IL5: variants seen among roughly 807,000 people sequenced by gnomAD.
IL5 encodes interleukin 5.
IL5 carries 12 observed loss-of-function variants against 16.3 expected under a neutral mutation model. The observed-to-expected ratio is 0.74, with a 90% confidence interval of 0.47 to 1.20. IL5 has a LOEUF of 1.20. IL5 is among the 50% of genes most tolerant of loss of function. The pLI is 0.00. For synonymous variants in IL5, 54 were observed against 56.6 expected (o/e 0.95, Z 0.21); for missense variants, 159 against 153.9 (o/e 1.03, Z -0.17).
chr5:132,551,998 G>T (rs555173228), intron 1 of IL5, among the ~76,000 whole-genome samples: 1 of 152,176 alleles, frequency 6.6e-6, no homozygotes, highest in African/African-American at 2.4e-5. Flanking sequence ...GAGGTTCTCA[G>T]GCTGGGCGCA....
chr5:132,552,290 AC>A (rs1162196816), intron 1 of IL5, among the ~76,000 whole-genome samples: 1 of 152,124 alleles, frequency 6.6e-6, no homozygotes, highest in Non-Finnish European at 1.5e-5. Context: ...AACAACAACA[AC>A]AACAAAAAAC....
chr5:132,541,819 C>G lies in IL5; in HGVS notation c.397G>C (p.Glu133Gln), dbSNP rs943818144. The change falls in exon 4 of 4, where the codon GAA becomes CAA. Residue 133 changes from glutamate (E) to glutamine (Q), a missense_variant. Coordinates refer to ENST00000231454, the MANE Select transcript of IL5 (RefSeq NM_000879.3). ...AACAAACCAGTTTAGTCTCAACTTT[C>G]TATTATCCACTCGGTGTTCATTACA... ...LGVMNTEWIIES is the reference protein window; with the variant it reads ...LGVMNTEWIIQS 1.9e-5 allele frequency: 30 copies of G among 1,609,794 alleles called. No individual in the cohort carries two copies. The highest frequency in any genetic ancestry group is 2.5e-5 in the Non-Finnish European group (29 of 1,176,778).
At position 132,541,860 on chromosome 5, in the gene IL5, A is replaced by G; in HGVS notation, c.356T>C (p.Leu119Pro). The change falls in exon 4 of 4, where the codon CTG becomes CCG. Residue 119 changes from leucine to proline, a missense_variant. Coordinates refer to ENST00000231454, the MANE Select transcript of IL5 (RefSeq NM_000879.3). ...GTTCATTACACCAAGAAACTCTTGC[A>G]GGTAGTCTAGGAATTGGTTTACTCT... Reference protein sequence around the residue: ...RRRVNQFLDYLQEFLGVMNTE... With the variant: ...RRRVNQFLDYPQEFLGVMNTE... The G allele has an allele frequency of 6.2e-7, 1 of 1,613,944 alleles. No homozygotes were observed. The highest frequency in any genetic ancestry group is 1.1e-5 in the South Asian group (1 of 91,066).
chr5:132,544,091 T>A (rs2069814), upstream of IL5, among the ~76,000 whole-genome samples: 247 of 152,330 alleles, frequency 1.6e-3, no homozygotes, highest in African/African-American at 5.9e-3. Flanking sequence ...GGGAAGGTAT[T>A]GGCTCATAGA....
At chr5:132,552,895 C>T (rs1035845538) in intron 1 of IL5, among the ~76,000 whole-genome samples, 1 of 152,052 alleles carries the variant, frequency 6.6e-6, no homozygotes, top group East Asian at 1.9e-4. Flanking sequence ...CCACCAGGCC[C>T]GGCTAATTTT....
At chr5:132,550,410 G>A (rs1010699628) in intron 1 of IL5, among the ~76,000 whole-genome samples, 44 of 149,628 alleles carry the variant, frequency 2.9e-4, no homozygotes, top group Admixed American at 2.6e-3. Context: ...TGCAAGCTCC[G>A]CCTCCTGGGT....
rs375391566 is a variant in IL5, at chr5:132,541,864, A to G, written c.352T>C (p.Tyr118His). Residue 118 changes from tyrosine to histidine, a missense_variant, in exon 4 of 4, where the codon TAC (tyrosine) becomes CAC (histidine). Coordinates refer to ENST00000231454, the MANE Select transcript of IL5 (RefSeq NM_000879.3). ...ATTACACCAAGAAACTCTTGCAGGT[A>G]GTCTAGGAATTGGTTTACTCTCCGT... Reference protein sequence around the residue: ...ERRRVNQFLDYLQEFLGVMNT... With the variant: ...ERRRVNQFLDHLQEFLGVMNT... The G allele has an allele frequency of 6.8e-6, 11 of 1,613,870 alleles. No individual in the cohort carries two copies. Among genetic ancestry groups the G allele is most frequent in the Admixed American group, 1.7e-5 (1 of 59,998 alleles).
chr5:132,553,846 G>T (rs528885444), intron 1 of IL5, among the ~76,000 whole-genome samples: 66 of 150,738 alleles, frequency 4.4e-4, no homozygotes, highest in African/African-American at 1.6e-3. Context: ...GGCTGAGGCA[G>T]TAGAATGGCG....
At chr5:132,555,476 C>A (rs565009487) in intron 1 of IL5, among the ~76,000 whole-genome samples, 2 of 152,284 alleles carry the variant, frequency 1.3e-5, no homozygotes, top group South Asian at 4.1e-4. Flanking sequence ...GACGGTTGTA[C>A]GTGAGTATAC....
intron 1 of IL5, among the ~76,000 whole-genome samples, chr5:132,548,724 T>C (rs1336055671): frequency 1.3e-5 from 2 of 152,244 alleles, no homozygotes; most frequent in Non-Finnish European, 2.9e-5. Flanking sequence ...GGTGCTCACC[T>C]TGTACCTTGA....
chr5:132,552,891 G>T (rs1160804116), intron 1 of IL5, among the ~76,000 whole-genome samples: 3 of 152,056 alleles, frequency 2.0e-5, no homozygotes, highest in African/African-American at 4.8e-5. Context: ...CATGCCACCA[G>T]GCCCGGCTAA....
In IL5 at chr5:132,541,810, C is replaced by T. The variant is rs755320918; in HGVS notation, c.*1G>A. On this transcript the variant is annotated 3_prime_UTR_variant, in exon 4 of 4. Transcript: ENST00000231454. ...TTTGGCTGCAACAAACCAGTTTAGT[C>T]TCAACTTTCTATTATCCACTCGGTG... 4.4e-6 allele frequency: 7 copies of T among 1,604,966 alleles called. No individual in the cohort carries two copies. Among genetic ancestry groups the T allele is most frequent in the Non-Finnish European group, 6.0e-6 (7 of 1,172,740 alleles).
At chr5:132,554,119 G>C (rs1208868608) in intron 1 of IL5, among the ~76,000 whole-genome samples, 4 of 151,860 alleles carry the variant, frequency 2.6e-5, no homozygotes, top group Admixed American at 6.6e-5. Context: ...TGTAATCCCA[G>C]CACTTTGGGA....
upstream of IL5, among the ~76,000 whole-genome samples, chr5:132,547,102 C>T (rs979304523): frequency 6.6e-6 from 1 of 152,132 alleles, no homozygotes; most frequent in African/African-American, 2.4e-5. Flanking sequence ...CCCAAGAATT[C>T]AAAATAATGT....
At position 132,541,673 on chromosome 5, in the gene IL5, A is replaced by G. The variant is rs573209192; in HGVS notation, c.*138T>C. 23 of 545,230 alleles carry G rather than the reference A, an allele frequency of 4.2e-5. No individual in the cohort carries two copies. In the East Asian group the frequency reaches 5.8e-4, roughly 14 times the overall value. The allele number at this position is 545,230 out of a possible 1,614,324, so 33.8% of individuals were successfully genotyped here. The stretch of plus-strand genomic sequence containing the variant: ...TTATGCTTTCTGGCAAAGTGTCAGT[A>G]TGCCTGAAATATTTACTTTCCCTCT... On this transcript the variant is annotated 3_prime_UTR_variant, in exon 4 of 4. Transcript: ENST00000231454.
intron 3 of IL5, 42 bp downstream of exon 3, chr5:132,541,973 C>T (rs1478668370): frequency 6.2e-7 from 1 of 1,612,888 alleles, no homozygotes; most frequent in Admixed American, 1.7e-5. Context: ...GAAATAGGCA[C>T]AGCCAGACAA....
At position 132,542,155 on chromosome 5, in the gene IL5, A is replaced by C; in HGVS notation, c.178-12T>G. On this transcript the variant is annotated splice_polypyrimidine_tract_variant and intron_variant, in intron 2 of 3. Coordinates refer to ENST00000231454, the MANE Select transcript of IL5 (RefSeq NM_000879.3). Reference sequence around the variant, plus strand: ...GTGCACAGTTGGTGCTAAATGAGGAAAATTTTTAAAATGCAAATAATCAAG... The same window carrying C: ...GTGCACAGTTGGTGCTAAATGAGGACAATTTTTAAAATGCAAATAATCAAG... The C allele has an allele frequency of 2.5e-6, 4 of 1,598,436 alleles. No homozygotes were observed. Among genetic ancestry groups the C allele is most frequent in the Non-Finnish European group, 3.4e-6 (4 of 1,175,182 alleles).
upstream of IL5, among the ~76,000 whole-genome samples, chr5:132,548,293 T>A (rs1049286869): frequency 9.2e-5 from 14 of 152,104 alleles, no homozygotes; most frequent in Non-Finnish European, 1.9e-4. Context: ...CCTTTTTATT[T>A]CACCAGTAGA....
chr5:132,544,268 T>C (rs1327825229), upstream of IL5, among the ~76,000 whole-genome samples: 2 of 152,238 alleles, frequency 1.3e-5, no homozygotes, highest in African/African-American at 4.8e-5. Context: ...AAGCTGTGCT[T>C]TTCTGATTGT....
Sources: gnomAD v4.1 joint callset for allele counts (sites outside exome capture counted in the v4.1 genomes callset) on GRCh38, gnomAD v4.1.1 for gene constraint, MANE v1.5 for transcripts, NCBI Gene and HGNC (gene_info 2026-07-23, HGNC 2026-07-21) for gene names.